The following MS4A4E variants were observed in gnomAD, a reference collection of about 807,000 sequenced individuals.
The protein encoded by MS4A4E is membrane spanning 4-domains A4E.
MS4A4E carries 23 observed loss-of-function variants against 13.3 expected under a neutral mutation model. The ratio of observed to expected loss-of-function variants is 1.73; its 90% CI spans 1.25 to 2.45. The LOEUF is 2.45. Ranked by LOEUF, MS4A4E falls within the 30% of genes most tolerant of loss-of-function variation. The pLI is 0.00. For missense variants in MS4A4E, 144 were observed against 131.2 expected (o/e 1.10, Z -0.48); for synonymous variants, 36 against 45.6 (o/e 0.79, Z 0.85).
intron 3 of MS4A4E, among the ~76,000 whole-genome samples, chr11:60,222,372 T>A (rs555562206): frequency 2.0e-4 from 31 of 152,328 alleles, no homozygotes; most frequent in African/African-American, 6.7e-4. Flanking sequence ...TCTCATGGAA[T>A]TCACTGGTCT....
At chr11:60,236,230 A>G (rs2084480738) in intron 1 of MS4A4E, among the ~76,000 whole-genome samples, 1 of 152,198 alleles carries the variant, frequency 6.6e-6, no homozygotes, top group Admixed American at 6.5e-5. Flanking sequence ...TTGAATTGGA[A>G]AGTGTAAGTG....
chr11:60,214,422 G>A (rs569373988), intron 4 of MS4A4E, 149 bp downstream of exon 4: 16 of 450,120 alleles, frequency 3.6e-5, no homozygotes, highest in East Asian at 2.1e-4. Flanking sequence ...TAGCCTTATC[G>A]TAATTTTTGA....
intron 3 of MS4A4E, among the ~76,000 whole-genome samples, chr11:60,217,893 G>GA (rs1025098380): frequency 6.6e-6 from 1 of 152,048 alleles, no homozygotes; most frequent in African/African-American, 2.4e-5. Flanking sequence ...TGGGCACCTT[G>GA]AAAAAAGAAC....
intron 3 of MS4A4E, 142 bp downstream of exon 3, chr11:60,228,452 C>T (rs1055597293): frequency 2.0e-6 from 1 of 494,692 alleles, no homozygotes; most frequent in African/African-American, 2.0e-5. Context: ...AAATCAAATG[C>T]TAGCAATTAT....
At chr11:60,213,297 C>T in intron 4 of MS4A4E, 165 bp from the exon 5 acceptor site, 1 of 1,535,322 alleles carries the variant, frequency 6.5e-7, no homozygotes, top group African/African-American at 1.4e-5. Flanking sequence ...CAAATATGAT[C>T]CCATTATTCT....
In MS4A4E at chr11:60,219,589, T is replaced by C. The variant is rs143167618; in HGVS notation, c.179-4975A>G. Among the ~76,000 whole-genome samples, 582 of 152,278 alleles carry C rather than the reference T, an allele frequency of 3.8e-3. 4 individuals carry two copies. Among genetic ancestry groups the C allele is most frequent in the African/African-American group, 0.013 (525 of 41,550 alleles). ...CAGCCCCACTATCAATTTCCAGACA[T>C]ATGCCATTTTACAGACCCAGAACCC... On this transcript the variant is annotated intron_variant, in intron 3 of 8. Transcript: ENST00000651255.
chr11:60,222,483 AG>A (rs1414578566), intron 3 of MS4A4E, among the ~76,000 whole-genome samples: 1 of 152,176 alleles, frequency 6.6e-6, no homozygotes, highest in Admixed American at 6.5e-5. Flanking sequence ...AATACTTTTC[AG>A]GGCTGGGGCA....
At chr11:60,230,305 A>G (rs946132446) in intron 1 of MS4A4E, among the ~76,000 whole-genome samples, 1 of 152,176 alleles carries the variant, frequency 6.6e-6, no homozygotes, top group Non-Finnish European at 1.5e-5. Flanking sequence ...GAGAGAGGAC[A>G]TGTTGACAGA....
intron 1 of MS4A4E, among the ~76,000 whole-genome samples, chr11:60,234,031 T>C (rs529679112): frequency 6.6e-6 from 1 of 152,334 alleles, no homozygotes; most frequent in Admixed American, 6.5e-5. Context: ...TCTGTTGGAT[T>C]TTGGACTCAC....
chr11:60,212,036 A>C (rs1357285715), intron 5 of MS4A4E, among the ~76,000 whole-genome samples: 2 of 152,206 alleles, frequency 1.3e-5, no homozygotes, highest in Non-Finnish European at 2.9e-5. Flanking sequence ...AATGGCCCAA[A>C]ACATCAAGAA....
intron 3 of MS4A4E, 40 bp from the exon 4 acceptor site, chr11:60,214,654 T>C (rs1445130101): frequency 7.4e-7 from 1 of 1,350,380 alleles, no homozygotes; most frequent in Non-Finnish European, 1.0e-6. Context: ...AAAATGGAGA[T>C]AAAAAGTTTT....
At chr11:60,205,151 T>C (rs1287904005) in intron 7 of MS4A4E, among the ~76,000 whole-genome samples, 193 bp from the exon 8 acceptor site, 1 of 152,196 alleles carries the variant, frequency 6.6e-6, no homozygotes, top group Non-Finnish European at 1.5e-5. Context: ...AAAATATCGC[T>C]TCCTCAAAAA....
At chr11:60,214,990 A>T (rs2084172915) in intron 3 of MS4A4E, among the ~76,000 whole-genome samples, 1 of 152,160 alleles carries the variant, frequency 6.6e-6, no homozygotes, top group African/African-American at 2.4e-5. Context: ...AAATATGTTT[A>T]AAAAGTTATA....
intron 1 of MS4A4E, among the ~76,000 whole-genome samples, chr11:60,240,584 A>G (rs2084536256): frequency 6.6e-6 from 1 of 152,216 alleles, no homozygotes; most frequent in South Asian, 2.1e-4. Context: ...TTCAACCCAT[A>G]TCTATTATCG....
intron 3 of MS4A4E, among the ~76,000 whole-genome samples, chr11:60,223,804 CT>C (rs1441437769): frequency 6.6e-6 from 1 of 152,196 alleles, no homozygotes; most frequent in Non-Finnish European, 1.5e-5. Context: ...GGGACTCAAA[CT>C]GGCTTCATTG....
At chr11:60,217,203 A>C (rs56273223) in intron 3 of MS4A4E, among the ~76,000 whole-genome samples, 49,242 of 151,998 alleles carry the variant, frequency 0.32, 9,074 homozygotes, top group South Asian at 0.51. Context: ...TCTGTAGAGA[A>C]AGAGCTGAAA....
chr11:60,214,479 A>AAAAC (rs1405632265), intron 4 of MS4A4E, 92 bp downstream of exon 4: 1 of 936,060 alleles, frequency 1.1e-6, no homozygotes, highest in Non-Finnish European at 1.5e-6. Flanking sequence ...GACTTTTTTA[A>AAAAC]AAACAAACAA....
At chr11:60,213,931 A>T (rs1565120334) in intron 4 of MS4A4E, among the ~76,000 whole-genome samples, 2 of 151,176 alleles carry the variant, frequency 1.3e-5, no homozygotes, top group African/African-American at 2.4e-5. Context: ...TTTGAGATGG[A>T]GTCTTGCTCT....
chr11:60,224,904 A>G (rs1374846167), intron 3 of MS4A4E: 6 of 1,308,740 alleles, frequency 4.6e-6, no homozygotes, highest in Non-Finnish European at 6.0e-6. Context: ...AATTGCAAAG[A>G]TCAGGGTATT....
Sources: allele counts gnomAD v4.1 joint callset (sites outside exome capture counted in the v4.1 genomes callset), GRCh38; gene constraint gnomAD v4.1.1; transcripts MANE v1.5; gene names NCBI Gene and HGNC (gene_info 2026-07-23, HGNC 2026-07-21).